Variants in PRCD observed in about 807,000 individuals in gnomAD.
PRCD encodes the protein photoreceptor disc component.
Under a neutral mutation model 10.1 loss-of-function variants are expected in PRCD, and 12 were observed. That is an observed-to-expected ratio of 1.18 (90% CI 0.76 to 1.92). PRCD has a LOEUF of 1.92. PRCD is among the 40% of genes most tolerant of loss of function. PRCD has a pLI of 0.00. For synonymous variants in PRCD, 31 were observed against 26.2 expected (o/e 1.18, Z -0.56); for missense variants, 61 against 72.2 (o/e 0.84, Z 0.56).
At chr17:76,536,513 AAG>A (rs745676552), upstream of PRCD, among the ~76,000 whole-genome samples, 4 of 152,246 alleles carry the variant, frequency 2.6e-5, no homozygotes, top group South Asian at 2.1e-4. Context: ...CACGTGTGGA[AAG>A]AGAGCATGGA....
Position 76,540,250 on chromosome 17 carries a change from T to TGGGGGGGGGGGGGGGGGGGGGGG in PRCD, c.74+35_74+36insGGGGGGGGGGGGGGGGGGGGGGG. ...TGACCGGGCTATGGCTGGCGGTTGG[T>TGGGGGGGGGGGGGGGGGGGGGGG]CGGGGGGGGGGGGCATGGGGCTGGG... On this transcript the variant is annotated intron_variant, in intron 1 of 4. Coordinates refer to ENST00000592014, the MANE Select transcript of PRCD (RefSeq NM_001077620.3). This position sits in a 1 kb window ranked among gnomAD's most constrained non-coding sequence, Gnocchi z 5.0. 2 of 463,674 alleles carry TGGGGGGGGGGGGGGGGGGGGGGG rather than the reference T, an allele frequency of 4.3e-6. No homozygotes were observed. Among genetic ancestry groups the TGGGGGGGGGGGGGGGGGGGGGGG allele is most frequent in the South Asian group, 2.2e-5 (1 of 45,656 alleles). The allele number at this position is 463,674 out of a possible 1,614,324, so 28.7% of individuals were successfully genotyped here. A position where few individuals can be genotyped will look rare whatever the true frequency, so the allele number is the denominator to read the frequency against.
upstream of PRCD, chr17:76,537,494 C>T (rs1404792483): frequency 6.3e-7 from 1 of 1,583,470 alleles, no homozygotes; most frequent in East Asian, 2.5e-5. Flanking sequence ...GACAGCTCCT[C>T]GCTCCGCTCC....
Position 76,540,260 on chromosome 17 carries a change from G to GA in PRCD, c.74+45_74+46insA, listed in dbSNP as rs1413444581. On this transcript the variant is annotated intron_variant, in intron 1 of 4. Coordinates refer to ENST00000592014, the MANE Select transcript of PRCD (RefSeq NM_001077620.3). This position sits in a 1 kb window ranked among gnomAD's most constrained non-coding sequence, Gnocchi z 5.0. ...ATGGCTGGCGGTTGGTCGGGGGGGG[G>GA]GGGCATGGGGCTGGGCTGCCACCAA... 3 of 933,110 alleles carry GA rather than the reference G, an allele frequency of 3.2e-6. No homozygotes were observed. Among genetic ancestry groups the GA allele is most frequent in the Non-Finnish European group, 5.1e-6 (3 of 590,212 alleles). 57.8% of individuals were successfully genotyped at this position (933,110 alleles called of 1,614,324 possible).
At chr17:76,538,687 C>T (rs977121333), upstream of PRCD, among the ~76,000 whole-genome samples, 1 of 152,256 alleles carries the variant, frequency 6.6e-6, no homozygotes, top group Non-Finnish European at 1.5e-5. Flanking sequence ...GCAAATCCTT[C>T]CTCCTGGTGG....
upstream of PRCD, chr17:76,527,611 G>C (rs1598198570): frequency 6.6e-6 from 3 of 453,208 alleles, no homozygotes; most frequent in Non-Finnish European, 8.8e-6. Context: ...TGCCGGCCAG[G>C]AGGAGGGTGG....
rs1236458836 is a variant in PRCD at position 76,528,264 on chromosome 17, C to T, written n.45+431C>T. On this transcript the variant is annotated intron_variant and non_coding_transcript_variant, in intron 1 of 4. Transcript: ENST00000397633. This position sits in a 1 kb window ranked among gnomAD's most constrained non-coding sequence, Gnocchi z 5.8. ...CTGATAGAAACGGGGCTGGTTTATT[C>T]CCTAAGGGACTCCTAGACCTGTCCC... 1.5e-5 allele frequency: 6 copies of T among 399,346 alleles called. No homozygotes were observed. Among genetic ancestry groups the T allele is most frequent in the Non-Finnish European group, 2.2e-5 (5 of 226,792 alleles). The allele number at this position is 399,346 out of a possible 1,614,324, so 24.7% of individuals were successfully genotyped here.
upstream of PRCD, chr17:76,537,258 C>T: frequency 2.1e-6 from 2 of 971,480 alleles, no homozygotes; most frequent in Non-Finnish European, 2.8e-6. Flanking sequence ...CGCCCCACGC[C>T]GCCTGCTCCG....
downstream of PRCD, among the ~76,000 whole-genome samples, chr17:76,548,990 A>G (rs1486635032): frequency 6.6e-6 from 1 of 152,240 alleles, no homozygotes; most frequent in East Asian, 1.9e-4. Flanking sequence ...TCAGAGGTCA[A>G]GACAGTGTGA....
At chr17:76,536,728 T>G (rs2074917688), upstream of PRCD, among the ~76,000 whole-genome samples, 1 of 152,166 alleles carries the variant, frequency 6.6e-6, no homozygotes, top group South Asian at 2.1e-4. Context: ...GGTTAGGCCC[T>G]GTCTCCTGAA....
At chr17:76,535,375 G>A (rs2074903412), upstream of PRCD, among the ~76,000 whole-genome samples, 2 of 152,166 alleles carry the variant, frequency 1.3e-5, no homozygotes, top group African/African-American at 2.4e-5. Flanking sequence ...CAAGACTGAC[G>A]GGCCCAGGAT....
At position 76,544,961 on chromosome 17, in the gene PRCD, G is replaced by A. The variant is rs1326652079; in HGVS notation, c.*1311G>A. The A allele has an allele frequency of 2.2e-6, 1 of 456,702 alleles. No individual in the cohort carries two copies. Among genetic ancestry groups the A allele is most frequent in the Non-Finnish European group, 4.4e-6 (1 of 226,952 alleles). 28.3% of individuals were successfully genotyped at this position (456,702 alleles called of 1,614,324 possible). On this transcript the variant is annotated 3_prime_UTR_variant, in exon 5 of 5. Transcript: ENST00000592014. ...CTCCAGGGATCCATCCAGAGGAAGGGCGGGAAAAAGAGAGGAAGGGGCTGC... is the reference window on the plus strand; with the variant it reads ...CTCCAGGGATCCATCCAGAGGAAGGACGGGAAAAAGAGAGGAAGGGGCTGC...
chr17:76,537,277 G>C (rs371264605), upstream of PRCD: 24 of 1,165,876 alleles, frequency 2.1e-5, no homozygotes, highest in East Asian at 2.7e-4. Flanking sequence ...CGCCGACCTC[G>C]GACCGGCCCC....
upstream of PRCD, chr17:76,537,623 C>A: frequency 6.1e-6 from 6 of 982,256 alleles, no homozygotes; most frequent in Non-Finnish European, 7.2e-6. Flanking sequence ...GCGCCGGGAG[C>A]CGGGGCCGGC....
chr17:76,540,287 C>T lies in PRCD; in HGVS notation c.74+72C>T, dbSNP rs963473792. On this transcript the variant is annotated intron_variant, in intron 1 of 4. Coordinates refer to ENST00000592014, the MANE Select transcript of PRCD (RefSeq NM_001077620.3). The surrounding 1 kb of genome is among the most constrained non-coding windows in gnomAD (Gnocchi z 5.0). Reference sequence around the variant, plus strand: ...GGCATGGGGCTGGGCTGCCACCAAGCTGAAGGTGGGCAGGGGCTGCGTGAA... The same window carrying T: ...GGCATGGGGCTGGGCTGCCACCAAGTTGAAGGTGGGCAGGGGCTGCGTGAA... 8.0e-5 allele frequency: 117 copies of T among 1,465,364 alleles called. No homozygotes were observed. The highest frequency in any genetic ancestry group is 1.0e-4 in the Non-Finnish European group (109 of 1,075,272). The allele number at this position is 1,465,364 out of a possible 1,614,324, so 90.8% of individuals were successfully genotyped here. A position where few individuals can be genotyped will look rare whatever the true frequency, so the allele number is the denominator to read the frequency against.
At chr17:76,545,521 C>G (rs1164934954), downstream of PRCD, 1 of 381,610 alleles carries the variant, frequency 2.6e-6, no homozygotes, top group Non-Finnish European at 5.3e-6. Context: ...GGGGTCCCTT[C>G]TGGTCTAGGG....
rs781254798 is a variant in PRCD at position 76,531,112 on chromosome 17, C to T, written n.45+3279C>T. The T allele has an allele frequency of 6.2e-6, 10 of 1,613,664 alleles. No homozygotes were observed. Among genetic ancestry groups the T allele is most frequent in the Admixed American group, 5.0e-5 (3 of 59,986 alleles). On this transcript the variant is annotated intron_variant and non_coding_transcript_variant, in intron 1 of 4. Transcript: ENST00000397633. This position sits in a 1 kb window ranked among gnomAD's most constrained non-coding sequence, Gnocchi z 7.4. ...GGGAAGTCACTGGCAAATTCCTCGG[C>T]GACCACCTCCAGAATGACCCCAGAG... is the stretch of plus-strand genomic sequence containing the variant.
chr17:76,543,145 G>C (rs936388492), intron 4 of PRCD, 24 bp downstream of exon 4: 43 of 467,618 alleles, frequency 9.2e-5, no homozygotes, highest in African/African-American at 8.6e-4. Context: ...TCTCAGCCCG[G>C]GACCTGCCAG....
At chr17:76,536,890 C>G (rs932125461), upstream of PRCD, among the ~76,000 whole-genome samples, 2 of 152,286 alleles carry the variant, frequency 1.3e-5, no homozygotes, top group South Asian at 4.1e-4. Context: ...CTGGACCCCC[C>G]GGGCTCTCCT....
intron 1 of PRCD, chr17:76,553,050 C>G (rs933425948): frequency 6.6e-6 from 1 of 151,530 alleles, no homozygotes; most frequent in African/African-American, 2.4e-5. Flanking sequence ...GCGGTTTCTG[C>G]GGGTCAGCAG....
Sources: allele counts gnomAD v4.1 joint callset (sites outside exome capture counted in the v4.1 genomes callset), GRCh38; gene constraint gnomAD v4.1.1; non-coding constraint Gnocchi (gnomAD v3.1); transcripts MANE v1.5; gene names NCBI Gene and HGNC (gene_info 2026-07-23, HGNC 2026-07-21).